The following MATN2 variants were observed in gnomAD, a reference collection of about 807,000 sequenced individuals.
The protein encoded by MATN2 is matrilin-2.
Under a neutral mutation model 103.2 loss-of-function variants are expected in MATN2, and 69 were observed. That is an observed-to-expected ratio of 0.67 (90% CI 0.55 to 0.82). MATN2 has a LOEUF of 0.82. MATN2 is among the 40% of genes least tolerant of loss of function. The pLI, the probability that MATN2 is intolerant of heterozygous loss-of-function variation, is 0.00. For missense variants in MATN2, 1,023 were observed against 1,211.5 expected (o/e 0.84, Z 2.31); for synonymous variants, 429 against 450.2 (o/e 0.95, Z 0.60).
intron 5 of MATN2, among the ~76,000 whole-genome samples, chr8:97,967,803 T>A (rs145766052): frequency 8.5e-5 from 13 of 152,300 alleles, no homozygotes; most frequent in African/African-American, 3.1e-4. Flanking sequence ...GTCTGGAGGG[T>A]GGTGGCCCCC....
At chr8:97,921,744 G>C (rs976192161) in intron 2 of MATN2, among the ~76,000 whole-genome samples, 2 of 152,186 alleles carry the variant, frequency 1.3e-5, no homozygotes, top group African/African-American at 4.8e-5. Context: ...TGGTGGGTGG[G>C]ATCCCACTGC....
At chr8:97,923,543 C>G (rs1586418591) in intron 2 of MATN2, among the ~76,000 whole-genome samples, 2 of 143,794 alleles carry the variant, frequency 1.4e-5, no homozygotes, top group Admixed American at 1.5e-4. Flanking sequence ...ACTTCTCTCT[C>G]TCTCTCTCTC....
At chr8:97,951,368 G>A (rs943584266) in intron 4 of MATN2, among the ~76,000 whole-genome samples, 3 of 152,214 alleles carry the variant, frequency 2.0e-5, no homozygotes, top group African/African-American at 7.2e-5. Flanking sequence ...GGGAACATGA[G>A]CTTGAACCTT....
At chr8:97,898,287 A>G (rs1427437297) in intron 2 of MATN2, among the ~76,000 whole-genome samples, 2 of 152,134 alleles carry the variant, frequency 1.3e-5, no homozygotes, top group Admixed American at 6.6e-5. Flanking sequence ...ATCTAATGCT[A>G]ATAATGATAA....
At chr8:97,888,398 G>A (rs118059924) in intron 2 of MATN2, among the ~76,000 whole-genome samples, 156 bp downstream of exon 2, 2,477 of 152,256 alleles carry the variant, frequency 0.016, 34 homozygotes, top group Non-Finnish European at 0.024. Context: ...GAATGCATCC[G>A]GAGTTGAGCA....
chr8:97,955,296 A>C (rs1811108169), intron 4 of MATN2, among the ~76,000 whole-genome samples: 1 of 152,174 alleles, frequency 6.6e-6, no homozygotes, highest in Non-Finnish European at 1.5e-5. Flanking sequence ...TGGGATGAAT[A>C]CAGGAAAACC....
At chr8:98,035,156 G>A (rs144110685) in intron 18 of MATN2, among the ~76,000 whole-genome samples, 3,441 of 152,142 alleles carry the variant, frequency 0.023, 56 homozygotes, top group South Asian at 0.039. Context: ...TGGGGAGTTC[G>A]AGACCAGCCT....
chr8:97,871,360 G>A (rs1021178877), intron 1 of MATN2, among the ~76,000 whole-genome samples: 1 of 152,220 alleles, frequency 6.6e-6, no homozygotes, highest in African/African-American at 2.4e-5. Flanking sequence ...AAAGCAGGCC[G>A]AAGAGGGTGT....
intron 3 of MATN2, among the ~76,000 whole-genome samples, chr8:97,937,887 G>A (rs78579080): frequency 0.021 from 3,145 of 152,076 alleles, 106 homozygotes; most frequent in African/African-American, 0.069. Flanking sequence ...CCTAATTTCC[G>A]CAATTGATAG....
intron 1 of MATN2, among the ~76,000 whole-genome samples, chr8:97,880,032 A>G (rs1308801914): frequency 6.6e-6 from 1 of 152,140 alleles, no homozygotes; most frequent in Non-Finnish European, 1.5e-5. Context: ...ATCTTTGGCA[A>G]AACTATTGAG....
At chr8:97,998,426 G>A (rs1812669518) in intron 7 of MATN2, among the ~76,000 whole-genome samples, 1 of 149,986 alleles carries the variant, frequency 6.7e-6, no homozygotes, top group African/African-American at 2.4e-5. Context: ...GGAGGCTGAG[G>A]CAGGAGAATG....
chr8:97,924,228 A>G (rs1809911195), intron 2 of MATN2, among the ~76,000 whole-genome samples: 1 of 152,228 alleles, frequency 6.6e-6, no homozygotes, highest in Non-Finnish European at 1.5e-5. Context: ...GTAGCAAAAC[A>G]TGCAACCACC....
At chr8:98,000,604 A>AAAAAAAGAAAAAAG (rs1390825498) in intron 7 of MATN2, among the ~76,000 whole-genome samples, 1 of 127,208 alleles carries the variant, frequency 7.9e-6, no homozygotes, top group African/African-American at 3.0e-5. Context: ...CTCAAAAAAA[A>AAAAAAAGAAAAAAG]AAAAAAGAAA....
chr8:97,942,705 TA>T (rs1810609256), intron 4 of MATN2, among the ~76,000 whole-genome samples: 1 of 152,228 alleles, frequency 6.6e-6, no homozygotes, highest in Admixed American at 6.5e-5. Flanking sequence ...TTGCCATGTG[TA>T]ATTGTTGCAG....
intron 6 of MATN2, among the ~76,000 whole-genome samples, chr8:97,988,027 G>A (rs921836386): frequency 6.6e-5 from 10 of 150,388 alleles, no homozygotes; most frequent in African/African-American, 2.5e-4. Flanking sequence ...AAACTTTGAA[G>A]CATAATACAG....
At chr8:97,950,480 T>C (rs1810909710) in intron 4 of MATN2, among the ~76,000 whole-genome samples, 1 of 152,160 alleles carries the variant, frequency 6.6e-6, no homozygotes, top group Non-Finnish European at 1.5e-5. Context: ...CATCCGCTCA[T>C]TCATTCAATA....
chr8:97,922,520 T>C (rs2444907), intron 2 of MATN2, among the ~76,000 whole-genome samples: 55,242 of 152,128 alleles, frequency 0.36, 10,732 homozygotes, highest in East Asian at 0.73. Flanking sequence ...CAATCTTTGT[T>C]GCAGAGCACC....
intron 1 of MATN2, 117 bp from the exon 2 acceptor site, chr8:97,887,958 G>A: frequency 1.1e-6 from 1 of 930,212 alleles, no homozygotes; most frequent in Non-Finnish European, 1.5e-6. Context: ...ACGGCATTTT[G>A]AGTGCAAGTG....
intron 5 of MATN2, among the ~76,000 whole-genome samples, chr8:97,972,353 AAAG>A (rs1363585559): frequency 1.7e-4 from 25 of 149,590 alleles, no homozygotes; most frequent in African/African-American, 6.3e-4. Flanking sequence ...AAAAAAAAAA[AAAG>A]AAAAGAAAAG....
Sources: gnomAD v4.1 joint callset for allele counts (sites outside exome capture counted in the v4.1 genomes callset) on GRCh38, gnomAD v4.1.1 for gene constraint, MANE v1.5 for transcripts, NCBI Gene and HGNC (gene_info 2026-07-23, HGNC 2026-07-21) for gene names.